The following KANSL1L variants were observed in gnomAD, a reference collection of about 807,000 sequenced individuals.
KANSL1L encodes the protein KAT8 regulatory NSL complex subunit 1-like protein.
Under a neutral mutation model 108.6 loss-of-function variants are expected in KANSL1L, and 25 were observed. The observed-to-expected ratio is 0.23, with a 90% confidence interval of 0.17 to 0.32. KANSL1L has a LOEUF of 0.32. Among genes scored for constraint, KANSL1L ranks in the 10% least tolerant of loss-of-function variants. The probability of loss-of-function intolerance (pLI) is 1.00; values close to 1 mark genes in which losing one functional copy is unlikely to be tolerated. For missense variants in KANSL1L, 1,137 were observed against 1,125.7 expected (o/e 1.01, Z -0.14); for synonymous variants, 405 against 395.1 (o/e 1.03, Z -0.30).
chr2:210,158,628 C>T (rs993252850), intron 1 of KANSL1L, among the ~76,000 whole-genome samples: 9 of 151,418 alleles, frequency 5.9e-5, no homozygotes, highest in Admixed American at 1.3e-4. Context: ...TATGAAAGTC[C>T]GGGACATATC....
chr2:210,117,068 A>G (rs1306819542), intron 3 of KANSL1L, among the ~76,000 whole-genome samples: 1 of 152,206 alleles, frequency 6.6e-6, no homozygotes, highest in East Asian at 1.9e-4. Context: ...AAACAAGCAG[A>G]AATTCTGGAG....
At chr2:210,096,582 A>C (rs2094738013) in intron 5 of KANSL1L, 1 of 985,218 alleles carries the variant, frequency 1.0e-6, no homozygotes, top group African/African-American at 1.7e-5. Context: ...GTATTATCTA[A>C]AATGGGATTA....
chr2:210,167,766 TACAG>T (rs1368887091), intron 1 of KANSL1L, among the ~76,000 whole-genome samples: 4 of 152,142 alleles, frequency 2.6e-5, no homozygotes, highest in Middle Eastern at 3.4e-3. Flanking sequence ...TTCACGTCCA[TACAG>T]AAATGTTTCT....
At chr2:210,041,275 TAAA>T (rs930857322) in intron 7 of KANSL1L, among the ~76,000 whole-genome samples, 5 of 152,170 alleles carry the variant, frequency 3.3e-5, no homozygotes, top group African/African-American at 1.2e-4. Context: ...AAAATCATCT[TAAA>T]AAGCATTTAT....
chr2:210,154,550 C>A lies in KANSL1L; in HGVS notation c.33G>T (p.Lys11Asn). The change falls in exon 2 of 15, where the codon AAG becomes AAT. Residue 11 changes from lysine to asparagine, a missense_variant. Around this residue, in one of 3 missense-constraint regions of KANSL1L, gnomAD observed 556 missense variants for 537.7 expected, o/e 1.03. Coordinates refer to ENST00000281772, the MANE Select transcript of KANSL1L (RefSeq NM_152519.4). ...TTGGCAAAGATGAAAAGCTGATACCCTTTGCTGTTGCCTCCCTCAGAGCTG... is the reference window on the plus strand; with the variant it reads ...TTGGCAAAGATGAAAAGCTGATACCATTTGCTGTTGCCTCCCTCAGAGCTG... Reference protein sequence around the residue: MTPALREATAKGISFSSLPST... With the variant: MTPALREATANGISFSSLPST... The A allele has an allele frequency of 6.4e-7, 1 of 1,550,772 alleles. No homozygotes were observed. The highest frequency in any genetic ancestry group is 8.7e-7 in the Non-Finnish European group (1 of 1,148,372).
At chr2:210,056,441 C>T (rs1013470343) in intron 6 of KANSL1L, among the ~76,000 whole-genome samples, 6 of 152,182 alleles carry the variant, frequency 3.9e-5, no homozygotes, top group East Asian at 1.9e-4. Context: ...TCATCATCAA[C>T]GTCATTCACA....
intron 3 of KANSL1L, among the ~76,000 whole-genome samples, chr2:210,116,672 G>A (rs1205760402): frequency 6.6e-6 from 1 of 152,210 alleles, no homozygotes; most frequent in East Asian, 1.9e-4. Flanking sequence ...CACAAAAGAT[G>A]CAGTGTTACT....
At chr2:210,122,878 A>G (rs925701960) in intron 3 of KANSL1L, among the ~76,000 whole-genome samples, 6 of 152,168 alleles carry the variant, frequency 3.9e-5, no homozygotes, top group Non-Finnish European at 7.4e-5. Context: ...AAAAATAGGG[A>G]AAACATATGA....
At chr2:210,084,588 C>G (rs2094619914) in intron 5 of KANSL1L, among the ~76,000 whole-genome samples, 2 of 151,934 alleles carry the variant, frequency 1.3e-5, no homozygotes, top group Non-Finnish European at 2.9e-5. Context: ...AGAAAATATA[C>G]TCTGAGCAAT....
At position 210,037,991 on chromosome 2, in the gene KANSL1L, C is replaced by G. The variant is rs368804686; in HGVS notation, c.2029+2429G>C. Among the ~76,000 whole-genome samples, 25 of 152,136 alleles carry G rather than the reference C, an allele frequency of 1.6e-4. 2 individuals carry two copies. The highest frequency in any genetic ancestry group is 1.5e-3 in the East Asian group (8 of 5,190). ...ATATTTCTACACGACTATAATTTTA[C>G]CAGATATAGAAGTAAAATATTTTTA... On this transcript the variant is annotated intron_variant, in intron 8 of 14. Transcript: ENST00000281772.
chr2:210,067,749 T>C (rs1379697272), intron 6 of KANSL1L, among the ~76,000 whole-genome samples: 1 of 148,222 alleles, frequency 6.7e-6, no homozygotes, highest in Non-Finnish European at 1.5e-5. Context: ...AAAAAATTGA[T>C]GTAGTATTAA....
chr2:210,130,896 G>A (rs2095113952), intron 2 of KANSL1L, among the ~76,000 whole-genome samples: 1 of 150,498 alleles, frequency 6.6e-6, no homozygotes, highest in African/African-American at 2.4e-5. Flanking sequence ...AAGCACTGCA[G>A]TAGGAAATGA....
chr2:210,086,607 A>G (rs1390438490), intron 5 of KANSL1L, among the ~76,000 whole-genome samples: 1 of 152,120 alleles, frequency 6.6e-6, no homozygotes, highest in Admixed American at 6.6e-5. Context: ...ATAATTAACC[A>G]GGTAAGTTTA....
chr2:210,072,760 C>T (rs976128188), intron 6 of KANSL1L, among the ~76,000 whole-genome samples: 6 of 152,104 alleles, frequency 3.9e-5, no homozygotes, highest in Non-Finnish European at 8.8e-5. Context: ...TAACATGCCA[C>T]GGACCAGTAC....
chr2:210,096,681 A>C (rs1362138562), intron 5 of KANSL1L: 6 of 976,196 alleles, frequency 6.1e-6, no homozygotes, highest in African/African-American at 3.5e-5. Context: ...TTTCCTAATT[A>C]GGATACGTTC....
chr2:210,128,679 T>TC (rs1334803434), intron 3 of KANSL1L, among the ~76,000 whole-genome samples: 3 of 152,238 alleles, frequency 2.0e-5, no homozygotes, highest in African/African-American at 7.2e-5. Flanking sequence ...TAGCGACAGA[T>TC]GCACAACATT....
rs531320805 is a variant in KANSL1L at position 210,154,982 on chromosome 2, C to T, written c.-29-371G>A. 1.1e-3 allele frequency among the ~76,000 whole-genome samples: 161 copies of T among 151,902 alleles called. 1 individual carries two copies. Among genetic ancestry groups the T allele is most frequent in the Non-Finnish European group, 9.0e-4 (61 of 67,970 alleles). ...ATAGAAAATGTGACTCAATTGTGTA[C>T]TTTCAGCCAAAAATAAGAATTGCTT... is the stretch of plus-strand genomic sequence containing the variant. On this transcript the variant is annotated intron_variant, in intron 1 of 14. Coordinates refer to ENST00000281772, the MANE Select transcript of KANSL1L (RefSeq NM_152519.4).
chr2:210,099,683 C>A (rs2094774047), intron 4 of KANSL1L, among the ~76,000 whole-genome samples: 2 of 152,084 alleles, frequency 1.3e-5, no homozygotes, highest in Non-Finnish European at 2.9e-5. Context: ...TGTTCCACCT[C>A]CAAAAAACAT....
chr2:210,136,758 C>A (rs527268559), intron 2 of KANSL1L, among the ~76,000 whole-genome samples: 11 of 151,920 alleles, frequency 7.2e-5, no homozygotes, highest in Non-Finnish European at 4.4e-5. Context: ...AATGGGCCTG[C>A]GAAACACTAT....
Sources: gnomAD v4.1 joint callset for allele counts (sites outside exome capture counted in the v4.1 genomes callset) on GRCh38, gnomAD v4.1.1 for gene constraint, gnomAD v4.1.1 regional missense constraint, MANE v1.5 for transcripts, NCBI Gene and HGNC (gene_info 2026-07-23, HGNC 2026-07-21) for gene names.